Variants in HECW2 observed in about 807,000 individuals in gnomAD.
HECW2 encodes HECT, C2 and WW domain containing E3 ubiquitin protein ligase 2, also known as E3 ubiquitin-protein ligase HECW2.
Under a neutral mutation model 175.2 loss-of-function variants are expected in HECW2, and 61 were observed. The observed-to-expected ratio is 0.35, with a 90% CI of 0.28 to 0.43. HECW2 has a LOEUF of 0.43. Ranked by LOEUF, HECW2 falls within the 20% of genes least tolerant of loss-of-function variation. HECW2 has a pLI of 1.00. For synonymous variants in HECW2, 671 were observed against 731.0 expected (o/e 0.92, Z 1.32); for missense variants, 1,524 against 2,000.5 (o/e 0.76, Z 4.54).
chr2:196,201,500 A>G (rs1686858680), intron 28 of HECW2, 112 bp from the exon 29 acceptor site: 1 of 581,790 alleles, frequency 1.7e-6, no homozygotes, highest in Non-Finnish European at 2.9e-6. Flanking sequence ...TTCACATTCA[A>G]ATTTATTTGT....
intron 2 of HECW2, among the ~76,000 whole-genome samples, chr2:196,389,280 G>A (rs1673049090): frequency 6.6e-6 from 1 of 152,164 alleles, no homozygotes; most frequent in South Asian, 2.1e-4. Context: ...ATGGGCAAAT[G>A]GATGTGTTAC....
intron 2 of HECW2, among the ~76,000 whole-genome samples, chr2:196,426,505 GA>G (rs1297546808): frequency 4.6e-5 from 7 of 151,620 alleles, no homozygotes; most frequent in East Asian, 1.9e-4. Context: ...TAGTGATGTT[GA>G]TTTTTTTTTT....
At position 196,577,175 on chromosome 2, in the gene HECW2, ATGTCT is replaced by A. The variant is rs371608148; in HGVS notation, c.-36+16328_-36+16332del. Among the ~76,000 whole-genome samples the A allele has an allele frequency of 5.9e-4, 90 of 152,310 alleles. No individual in the cohort carries two copies. In the East Asian group the frequency reaches 9.3e-3, roughly 16 times the overall value. On this transcript the variant is annotated intron_variant, in intron 1 of 28. Coordinates refer to ENST00000644978, the MANE Select transcript of HECW2 (RefSeq NM_001348768.2). The stretch of plus-strand genomic sequence containing the variant: ...TATGTTCCAGGTTCATATACACCAC[ATGTCT>A]CCACATGCAGCTGGTTGCATTCACA...
At chr2:196,527,486 C>T (rs970108950) in intron 1 of HECW2, among the ~76,000 whole-genome samples, 35 of 152,210 alleles carry the variant, frequency 2.3e-4, no homozygotes, top group Admixed American at 2.0e-4. Flanking sequence ...TTCTATTCGG[C>T]CATCTTGGCT....
intron 2 of HECW2, among the ~76,000 whole-genome samples, chr2:196,371,762 C>T (rs1456341093): frequency 1.3e-5 from 2 of 152,172 alleles, no homozygotes; most frequent in East Asian, 3.8e-4. Flanking sequence ...CAGAGAAGAA[C>T]CGGCCTTCTT....
intron 1 of HECW2, among the ~76,000 whole-genome samples, chr2:196,588,249 C>T (rs1405970575): frequency 6.6e-6 from 1 of 152,088 alleles, no homozygotes; most frequent in Admixed American, 6.5e-5. Flanking sequence ...TGATATATTC[C>T]CAGCACCTAG....
intron 2 of HECW2, among the ~76,000 whole-genome samples, chr2:196,387,510 C>G (rs1378008692): frequency 6.6e-6 from 1 of 152,132 alleles, no homozygotes; most frequent in Non-Finnish European, 1.5e-5. Context: ...CTTGCACTTC[C>G]CAGCCTCCAG....
At chr2:196,447,769 C>T (rs150122596) in intron 1 of HECW2, among the ~76,000 whole-genome samples, 33 of 152,228 alleles carry the variant, frequency 2.2e-4, no homozygotes, top group African/African-American at 7.5e-4. Flanking sequence ...AAAGTTTCAA[C>T]ACTTTGGGCC....
intron 1 of HECW2, among the ~76,000 whole-genome samples, chr2:196,562,054 G>A (rs537069332): frequency 5.9e-5 from 9 of 152,276 alleles, no homozygotes; most frequent in East Asian, 1.9e-4. Flanking sequence ...TTTAGATGTC[G>A]GCATGGTATG....
At chr2:196,406,345 T>C (rs1008502593) in intron 2 of HECW2, among the ~76,000 whole-genome samples, 1 of 152,208 alleles carries the variant, frequency 6.6e-6, no homozygotes, top group African/African-American at 2.4e-5. Flanking sequence ...GATACTTCTG[T>C]TTCCCACACC....
intron 15 of HECW2, among the ~76,000 whole-genome samples, chr2:196,278,038 T>G (rs1243681909): frequency 2.1e-5 from 3 of 143,032 alleles, no homozygotes. Flanking sequence ...AATGATGAGT[T>G]AATGGGTGCA....
At chr2:196,544,904 A>C (rs1052791134) in intron 1 of HECW2, among the ~76,000 whole-genome samples, 1 of 152,230 alleles carries the variant, frequency 6.6e-6, no homozygotes, top group Non-Finnish European at 1.5e-5. Flanking sequence ...GCTCAAGTTC[A>C]GATTTTGCTT....
intron 1 of HECW2, among the ~76,000 whole-genome samples, chr2:196,561,179 C>A (rs1160182810): frequency 6.6e-6 from 1 of 152,184 alleles, no homozygotes; most frequent in African/African-American, 2.4e-5. Context: ...AGAATGCATT[C>A]CCAGAGGAGG....
chr2:196,572,890 G>A (rs1176637578), intron 1 of HECW2, among the ~76,000 whole-genome samples: 1 of 152,126 alleles, frequency 6.6e-6, no homozygotes, highest in Non-Finnish European at 1.5e-5. Context: ...CCAACCTCCT[G>A]AACTGTGAGA....
chr2:196,274,206 A>G (rs1689853800), intron 15 of HECW2, 83 bp from the exon 16 acceptor site: 5 of 927,482 alleles, frequency 5.4e-6, no homozygotes. Context: ...TGTTCAAAAT[A>G]TTAACAATGA....
intron 1 of HECW2, among the ~76,000 whole-genome samples, chr2:196,521,152 A>C (rs944782208): frequency 6.6e-6 from 1 of 152,076 alleles, no homozygotes; most frequent in South Asian, 2.1e-4. Flanking sequence ...TAAAGTAATA[A>C]TAACAGGCCC....
At position 196,231,954 on chromosome 2, in the gene HECW2, A is replaced by C. The variant is rs1321691825; in HGVS notation, c.3765-3700T>G. Among the ~76,000 whole-genome samples the C allele has an allele frequency of 3.3e-5, 5 of 152,304 alleles. No homozygotes were observed. In the East Asian group the frequency reaches 9.7e-4, roughly 29 times the overall value. ...CAGTGAGCAGAGATCGCGCCACTGC[A>C]CTCCAGCCTGGGTGACAGTGAGAGA... On this transcript the variant is annotated intron_variant, in intron 21 of 28. Transcript: ENST00000644978.
At chr2:196,404,112 T>C (rs1694895566) in intron 2 of HECW2, among the ~76,000 whole-genome samples, 1 of 152,214 alleles carries the variant, frequency 6.6e-6, no homozygotes, top group Non-Finnish European at 1.5e-5. Context: ...AGTCTTCTGT[T>C]TGAATCCATA....
chr2:196,514,672 GAAC>G (rs1383802456), intron 1 of HECW2, among the ~76,000 whole-genome samples: 1 of 152,142 alleles, frequency 6.6e-6, no homozygotes, highest in Non-Finnish European at 1.5e-5. Flanking sequence ...GCAGATGATG[GAAC>G]AACCCCCCTG....
Sources: gnomAD v4.1 joint callset for allele counts (sites outside exome capture counted in the v4.1 genomes callset) on GRCh38, gnomAD v4.1.1 for gene constraint, MANE v1.5 for transcripts, NCBI Gene and HGNC (gene_info 2026-07-23, HGNC 2026-07-21) for gene names.